The following ETV6 variants were observed in gnomAD, a reference collection of about 807,000 sequenced individuals.
ETV6 encodes ETS variant transcription factor 6.
Under a neutral mutation model 51.1 loss-of-function variants are expected in ETV6, and 16 were observed. The ratio of observed to expected loss-of-function variants is 0.31; its 90% CI spans 0.21 to 0.48. The LOEUF (loss-of-function observed/expected upper bound fraction) is 0.48, where lower values mean the gene tolerates loss of function less well. Among genes scored for constraint, ETV6 ranks in the 20% least tolerant of loss-of-function variants. The pLI, the probability that ETV6 is intolerant of heterozygous loss-of-function variation, is 0.99. For synonymous variants in ETV6, 240 were observed against 224.1 expected, an observed-to-expected ratio of 1.07 and a Z score of -0.64; for missense variants, 458 against 594.8, an observed-to-expected ratio of 0.77 and a Z score of 2.39.
At chr12:11,847,187 C>G (rs1240523130) in intron 3 of ETV6, among the ~76,000 whole-genome samples, 1 of 152,118 alleles carries the variant, frequency 6.6e-6, no homozygotes, top group East Asian at 1.9e-4. Context: ...TGACCACTTT[C>G]ATGTGAGATG....
At chr12:11,715,248 C>T (rs566480307) in intron 1 of ETV6, among the ~76,000 whole-genome samples, 4 of 152,046 alleles carry the variant, frequency 2.6e-5, no homozygotes, top group African/African-American at 9.7e-5. Context: ...GTTGAGCATT[C>T]GTCTTTTCTT....
At chr12:11,796,773 T>G (rs1455184634) in intron 2 of ETV6, among the ~76,000 whole-genome samples, 4 of 108,646 alleles carry the variant, frequency 3.7e-5, no homozygotes, top group African/African-American at 1.4e-4. Context: ...TTTCTTTTTT[T>G]TTTTTTTGTG....
intron 2 of ETV6, among the ~76,000 whole-genome samples, chr12:11,830,347 G>A (rs1389218297): frequency 6.6e-6 from 1 of 152,238 alleles, no homozygotes; most frequent in Non-Finnish European, 1.5e-5. Context: ...CCCAGGGGAA[G>A]TTCACTGGGT....
chr12:11,798,267 A>G (rs1379636385), intron 2 of ETV6, among the ~76,000 whole-genome samples: 2 of 152,212 alleles, frequency 1.3e-5, no homozygotes, highest in Non-Finnish European at 2.9e-5. Flanking sequence ...AATTTGGGCC[A>G]TGAAGGAAAT....
chr12:11,816,320 C>G (rs1475403006), intron 2 of ETV6, among the ~76,000 whole-genome samples: 2 of 152,250 alleles, frequency 1.3e-5, no homozygotes, highest in Non-Finnish European at 2.9e-5. Flanking sequence ...TCTCGGCTCA[C>G]TGCAACCTCT....
chr12:11,882,883 C>T (rs149474929), intron 5 of ETV6, among the ~76,000 whole-genome samples: 30 of 152,328 alleles, frequency 2.0e-4, no homozygotes, highest in African/African-American at 6.5e-4. Context: ...CAGGCCTAGG[C>T]CTTGCCCAAA....
intron 1 of ETV6, among the ~76,000 whole-genome samples, chr12:11,677,599 T>G (rs527304417): frequency 6.6e-6 from 1 of 152,200 alleles, no homozygotes. Flanking sequence ...ATTGATTGGA[T>G]GTATGCGTAT....
At chr12:11,710,836 C>G (rs1591624754) in intron 1 of ETV6, among the ~76,000 whole-genome samples, 1 of 152,256 alleles carries the variant, frequency 6.6e-6, no homozygotes, top group South Asian at 2.1e-4. Context: ...TAGGGTACCT[C>G]TAGGACATGA....
chr12:11,727,975 A>G (rs775040850), intron 1 of ETV6, among the ~76,000 whole-genome samples: 10 of 152,046 alleles, frequency 6.6e-5, no homozygotes, highest in African/African-American at 2.4e-4. Context: ...ACGCGCCACC[A>G]CGCCTGGCTA....
intron 3 of ETV6, among the ~76,000 whole-genome samples, chr12:11,849,863 A>G (rs1380327949): frequency 6.6e-6 from 1 of 152,082 alleles, no homozygotes; most frequent in Admixed American, 6.6e-5. Context: ...ACTGGGACAC[A>G]CTATCGCTGC....
chr12:11,790,017 G>A (rs1945556973), intron 2 of ETV6, among the ~76,000 whole-genome samples: 1 of 151,400 alleles, frequency 6.6e-6, no homozygotes, highest in Non-Finnish European at 1.5e-5. Flanking sequence ...TAGGATGTAG[G>A]TCCAATAATT....
At chr12:11,723,346 G>C (rs1865427939) in intron 1 of ETV6, among the ~76,000 whole-genome samples, 1 of 152,024 alleles carries the variant, frequency 6.6e-6, no homozygotes, top group African/African-American at 2.4e-5. Context: ...ACTTTGCAAG[G>C]ATTATCACAT....
At chr12:11,831,708 A>G (rs965188290) in intron 2 of ETV6, among the ~76,000 whole-genome samples, 38 of 152,138 alleles carry the variant, frequency 2.5e-4, no homozygotes, top group Admixed American at 2.1e-3. Context: ...TACACATACT[A>G]TTTTTCAATA....
At chr12:11,829,004 C>A (rs1424112431) in intron 2 of ETV6, among the ~76,000 whole-genome samples, 1 of 152,148 alleles carries the variant, frequency 6.6e-6, no homozygotes, top group African/African-American at 2.4e-5. Flanking sequence ...CCTCCTTCAG[C>A]CTTCTTTCCT....
chr12:11,831,897 A>G (rs2136453723), intron 2 of ETV6, among the ~76,000 whole-genome samples: 1 of 152,364 alleles, frequency 6.6e-6, no homozygotes, highest in South Asian at 2.1e-4. Context: ...TCTTTAAGGT[A>G]GATTCTGAGA....
chr12:11,783,837 G>A (rs376799656), intron 2 of ETV6, among the ~76,000 whole-genome samples: 9 of 152,256 alleles, frequency 5.9e-5, no homozygotes, highest in African/African-American at 2.2e-4. Context: ...TTTGTTTGTG[G>A]TTGGTTGTTT....
In ETV6 at chr12:11,707,969, G is replaced by A. The variant is rs567612984; in HGVS notation, c.34-44481G>A. Among the ~76,000 whole-genome samples the A allele has an allele frequency of 3.0e-4, 45 of 152,328 alleles. No homozygotes were observed. In the South Asian group the frequency reaches 7.7e-3, roughly 26 times the overall value. On this transcript the variant is annotated intron_variant, in intron 1 of 7. Coordinates refer to ENST00000396373, the MANE Select transcript of ETV6 (RefSeq NM_001987.5). ...TTTTAGCAGGATCAATTTATAAGCCGTTTGAAGTCTATCTTTTCTTCCCTT... is the reference window on the plus strand; with the variant it reads ...TTTTAGCAGGATCAATTTATAAGCCATTTGAAGTCTATCTTTTCTTCCCTT...
chr12:11,666,126 G>A lies in ETV6; in HGVS notation c.33+15966G>A, dbSNP rs1864189743. Among the ~76,000 whole-genome samples the A allele has an allele frequency of 2.0e-5, 3 of 152,138 alleles. No individual in the cohort carries two copies. In the South Asian group the frequency reaches 6.2e-4, roughly 31 times the overall value. The stretch of plus-strand genomic sequence containing the variant: ...TGGCAGGTCACCACCGTATGGGGCT[G>A]CCAGTTGCTCCCCCACCCCATTCCT... On this transcript the variant is annotated intron_variant, in intron 1 of 7. Coordinates refer to ENST00000396373, the MANE Select transcript of ETV6 (RefSeq NM_001987.5).
At chr12:11,887,620 C>T (rs1947215537) in intron 7 of ETV6, among the ~76,000 whole-genome samples, 1 of 151,928 alleles carries the variant, frequency 6.6e-6, no homozygotes, top group Non-Finnish European at 1.5e-5. Flanking sequence ...TAGTGGCATG[C>T]ACCTGTAGTC....
Sources: allele counts gnomAD v4.1 joint callset (sites outside exome capture counted in the v4.1 genomes callset), GRCh38; gene constraint gnomAD v4.1.1; transcripts MANE v1.5; gene names NCBI Gene and HGNC (gene_info 2026-07-23, HGNC 2026-07-21).